RBFOX1: variants seen among roughly 807,000 people sequenced by gnomAD.
RBFOX1 encodes the protein RNA binding protein fox-1 homolog 1.
RBFOX1 carries 8 observed loss-of-function variants against 57.7 expected under a neutral mutation model. That is an observed-to-expected ratio of 0.14 (90% CI 0.08 to 0.25). RBFOX1 has a LOEUF of 0.25. RBFOX1 is among the 10% of genes least tolerant of loss of function. The pLI, the probability that RBFOX1 is intolerant of heterozygous loss-of-function variation, is 1.00. For missense variants in RBFOX1, 611 were observed against 548.5 expected (o/e 1.11, Z -1.14); for synonymous variants, 326 against 222.4 (o/e 1.47, Z -4.15).
intron 4 of RBFOX1, among the ~76,000 whole-genome samples, chr16:7,259,683 A>T (rs950942328): frequency 2.0e-5 from 3 of 152,168 alleles, no homozygotes; most frequent in Non-Finnish European, 4.4e-5. Flanking sequence ...TTGAGAGGTG[A>T]CTGTTTTCTG....
intron 4 of RBFOX1, among the ~76,000 whole-genome samples, chr16:7,103,991 A>T (rs1020706163): frequency 6.6e-6 from 1 of 152,136 alleles, no homozygotes; most frequent in African/African-American, 2.4e-5. Flanking sequence ...CCTATTATTA[A>T]CAACAAGAGT....
chr16:5,513,625 G>A (rs2043684880), intron 2 of RBFOX1, among the ~76,000 whole-genome samples: 1 of 152,158 alleles, frequency 6.6e-6, no homozygotes, highest in South Asian at 2.1e-4. Context: ...TTCTCTATGG[G>A]ATATTTGTTT....
intron 4 of RBFOX1, among the ~76,000 whole-genome samples, chr16:5,938,133 T>C (rs1018416130): frequency 6.6e-6 from 1 of 152,186 alleles, no homozygotes; most frequent in African/African-American, 2.4e-5. Flanking sequence ...TTTCTTTTCT[T>C]TGCTTCCGTA....
At chr16:5,736,927 C>T (rs577627245) in intron 3 of RBFOX1, among the ~76,000 whole-genome samples, 1 of 149,490 alleles carries the variant, frequency 6.7e-6, no homozygotes, top group South Asian at 2.2e-4. Flanking sequence ...CTCCCTCTCT[C>T]CCTGTCTCTC....
At chr16:6,225,767 T>A (rs2097412259) in intron 1 of RBFOX1, among the ~76,000 whole-genome samples, 1 of 152,144 alleles carries the variant, frequency 6.6e-6, no homozygotes, top group South Asian at 2.1e-4. Context: ...ACAAAATGGA[T>A]CATGTCAGAA....
At chr16:7,059,147 C>G (rs1001018659) in intron 4 of RBFOX1, among the ~76,000 whole-genome samples, 2 of 152,132 alleles carry the variant, frequency 1.3e-5, no homozygotes, top group East Asian at 3.9e-4. Flanking sequence ...ATGAAACTTC[C>G]CAACTGCCTT....
intron 3 of RBFOX1, among the ~76,000 whole-genome samples, chr16:5,699,875 C>A (rs1488368775): frequency 6.6e-6 from 1 of 152,086 alleles, no homozygotes; most frequent in Non-Finnish European, 1.5e-5. Flanking sequence ...GCTCTGTCGC[C>A]CAGGCTGGAG....
At chr16:6,203,441 G>C (rs1598338219) in intron 1 of RBFOX1, among the ~76,000 whole-genome samples, 1 of 152,188 alleles carries the variant, frequency 6.6e-6, no homozygotes, top group East Asian at 1.9e-4. Flanking sequence ...TTTTAAGACT[G>C]AGTAATATCA....
At chr16:6,770,832 C>A (rs7500960) in intron 3 of RBFOX1, among the ~76,000 whole-genome samples, 13,227 of 152,122 alleles carry the variant, frequency 0.087, 868 homozygotes, top group Admixed American at 0.2. Context: ...GGAGAGAGCC[C>A]ATTTCTAAAT....
intron 2 of RBFOX1, among the ~76,000 whole-genome samples, chr16:6,448,928 G>C (rs1468277169): frequency 6.6e-6 from 1 of 152,098 alleles, no homozygotes; most frequent in African/African-American, 2.4e-5. Flanking sequence ...AAGATTTAAT[G>C]AGAAGAGAAA....
intron 3 of RBFOX1, among the ~76,000 whole-genome samples, chr16:5,807,213 G>A (rs1375280703): frequency 6.6e-6 from 1 of 152,138 alleles, no homozygotes; most frequent in Admixed American, 6.5e-5. Context: ...CTATTGTCCT[G>A]GGCAGTAAGA....
chr16:5,810,567 C>G (rs955608511), intron 3 of RBFOX1, among the ~76,000 whole-genome samples: 1 of 152,198 alleles, frequency 6.6e-6, no homozygotes, highest in Non-Finnish European at 1.5e-5. Flanking sequence ...CTGGGTATAT[C>G]TGTGACATCA....
At chr16:6,789,644 G>A (rs193177032) in intron 3 of RBFOX1, among the ~76,000 whole-genome samples, 153 of 152,250 alleles carry the variant, frequency 1.0e-3, no homozygotes, top group African/African-American at 3.5e-3. Context: ...ACATTTGTGT[G>A]CATTGGTGTG....
intron 1 of RBFOX1, among the ~76,000 whole-genome samples, chr16:5,392,466 T>C (rs2066438471): frequency 6.6e-6 from 1 of 151,956 alleles, no homozygotes; most frequent in South Asian, 2.1e-4. Context: ...CATAACATTT[T>C]AGGGGGTGTT....
chr16:7,642,865 T>C (rs1391370836), intron 11 of RBFOX1, among the ~76,000 whole-genome samples: 1 of 152,216 alleles, frequency 6.6e-6, no homozygotes, highest in Non-Finnish European at 1.5e-5. Flanking sequence ...TTTGCAGTTC[T>C]GCCAAGTTAA....
intron 4 of RBFOX1, among the ~76,000 whole-genome samples, chr16:7,306,413 T>C (rs574513258): frequency 6.6e-6 from 1 of 152,284 alleles, no homozygotes; most frequent in South Asian, 2.1e-4. Flanking sequence ...CCACAACAAA[T>C]ATTTAGAAGT....
chr16:6,534,706 G>A (rs2096711725), intron 2 of RBFOX1, among the ~76,000 whole-genome samples: 1 of 152,104 alleles, frequency 6.6e-6, no homozygotes, highest in Admixed American at 6.5e-5. Context: ...TTTTTCTGCT[G>A]GGGGAGAAGC....
intron 3 of RBFOX1, among the ~76,000 whole-genome samples, chr16:6,959,805 C>G (rs556816012): frequency 2.0e-5 from 3 of 152,116 alleles, no homozygotes; most frequent in Non-Finnish European, 2.9e-5. Flanking sequence ...GGTGTGTTGG[C>G]AGGCACCTGT....
intron 10 of RBFOX1, among the ~76,000 whole-genome samples, chr16:7,628,219 T>G (rs2060378716): frequency 6.6e-6 from 1 of 152,188 alleles, no homozygotes; most frequent in African/African-American, 2.4e-5. Flanking sequence ...TGATTTTAAG[T>G]GTTTTTTTAA....
Sources: gnomAD v4.1 joint callset for allele counts (sites outside exome capture counted in the v4.1 genomes callset) on GRCh38, gnomAD v4.1.1 for gene constraint, MANE v1.5 for transcripts, NCBI Gene and HGNC (gene_info 2026-07-23, HGNC 2026-07-21) for gene names.